The following PRTG variants were observed in gnomAD, a reference collection of about 807,000 sequenced individuals.
PRTG encodes the protein immunoglobulin superfamily, DCC subclass, member 5.
In PRTG, 67 loss-of-function variants were observed where a neutral mutation model predicts 122.5. The ratio of observed to expected loss-of-function variants is 0.55; its 90% CI spans 0.45 to 0.67. The LOEUF (loss-of-function observed/expected upper bound fraction) is 0.67. Ranked by LOEUF, PRTG falls within the 30% of genes least tolerant of loss-of-function variation. The probability of loss-of-function intolerance (pLI) is 0.00; values close to 1 mark genes in which losing one functional copy is unlikely to be tolerated. For synonymous variants in PRTG, 554 were observed against 501.1 expected (o/e 1.11, Z -1.41); for missense variants, 1,435 against 1,415.4 (o/e 1.01, Z -0.22).
intron 15 of PRTG, among the ~76,000 whole-genome samples, chr15:55,636,648 CT>C (rs922754027): frequency 6.6e-6 from 1 of 151,750 alleles, no homozygotes; most frequent in African/African-American, 2.4e-5. Context: ...AACCAAACCT[CT>C]TTTTTTTACC....
At chr15:55,738,643 C>CT (rs2031510665) in intron 2 of PRTG, 1 of 613,480 alleles carries the variant, frequency 1.6e-6, no homozygotes, top group Admixed American at 2.6e-5. Flanking sequence ...AAAAAGCACA[C>CT]TATCTTTAAA....
intron 11 of PRTG, among the ~76,000 whole-genome samples, chr15:55,642,151 GGC>G (rs1567080196): frequency 3.6e-5 from 5 of 137,744 alleles, no homozygotes; most frequent in African/African-American, 1.5e-4. Context: ...TCCGCAGTCC[GGC>G]CTGGGCGACA....
chr15:55,675,581 G>C lies in PRTG; in HGVS notation c.1484C>G (p.Ala495Gly). Residue 495 changes from alanine (A) to glycine (G), a missense_variant, in exon 9 of 20, where the codon GCA becomes GGA. Coordinates refer to ENST00000389286, the MANE Select transcript of PRTG (RefSeq NM_173814.6). Reference sequence around the variant, plus strand: ...CTGGCTGGCTCCCATTGGCATATATGCTACAATGTAGAAAGTATAATTGCT... The same window carrying C: ...CTGGCTGGCTCCCATTGGCATATATCCTACAATGTAGAAAGTATAATTGCT... Reference protein sequence around the residue: ...PASNYTFYIVAYMPMGASQMS... With the variant: ...PASNYTFYIVGYMPMGASQMS... 6.2e-7 allele frequency: 1 copy of C among 1,611,300 alleles called. No individual in the cohort carries two copies. Among genetic ancestry groups the C allele is most frequent in the Non-Finnish European group, 8.5e-7 (1 of 1,177,762 alleles).
At chr15:55,680,460 G>T (rs768457897) in intron 5 of PRTG, 31 bp downstream of exon 5, 33 of 1,506,434 alleles carry the variant, frequency 2.2e-5, no homozygotes, top group South Asian at 4.0e-5. Flanking sequence ...TTAAGGAAAA[G>T]ACTTTTTTTT....
At chr15:55,634,369 T>C (rs2059244814) in intron 15 of PRTG, among the ~76,000 whole-genome samples, 1 of 152,134 alleles carries the variant, frequency 6.6e-6, no homozygotes, top group South Asian at 2.1e-4. Context: ...CACCTGGCTC[T>C]ATACTGCTTC....
At chr15:55,711,701 G>C (rs144526929) in intron 2 of PRTG, among the ~76,000 whole-genome samples, 2 of 151,192 alleles carry the variant, frequency 1.3e-5, no homozygotes, top group Non-Finnish European at 2.9e-5. Flanking sequence ...CCTATCAGCT[G>C]ATTGTATACA....
intron 15 of PRTG, among the ~76,000 whole-genome samples, chr15:55,632,227 G>T (rs923186305): frequency 6.6e-6 from 1 of 152,156 alleles, no homozygotes; most frequent in Non-Finnish European, 1.5e-5. Flanking sequence ...TTCTCCCAGT[G>T]ATCTGGCTTC....
At chr15:55,691,983 G>A (rs1256857227) in intron 2 of PRTG, among the ~76,000 whole-genome samples, 2 of 151,930 alleles carry the variant, frequency 1.3e-5, no homozygotes, top group African/African-American at 4.8e-5. Flanking sequence ...TCTGCAGTGA[G>A]CCACGATCAC....
chr15:55,731,628 C>T (rs766473773), intron 2 of PRTG, among the ~76,000 whole-genome samples: 2 of 152,126 alleles, frequency 1.3e-5, no homozygotes, highest in Admixed American at 6.6e-5. Context: ...CTCAGCCTCC[C>T]GAAGTGCTGG....
intron 10 of PRTG, 27 bp downstream of exon 10, chr15:55,673,344 T>G (rs112637886): frequency 1.3e-6 from 2 of 1,520,336 alleles, no homozygotes; most frequent in Middle Eastern, 1.7e-4. Flanking sequence ...AAATACTGTA[T>G]TTTCTTAACA....
chr15:55,629,434 T>A (rs1428232013), intron 15 of PRTG, among the ~76,000 whole-genome samples: 1 of 144,938 alleles, frequency 6.9e-6, no homozygotes, highest in African/African-American at 2.6e-5. Flanking sequence ...TGTGTGTGTG[T>A]GTAATGTTTT....
intron 2 of PRTG, among the ~76,000 whole-genome samples, chr15:55,728,118 G>T (rs532262014): frequency 6.6e-6 from 1 of 151,942 alleles, no homozygotes; most frequent in Non-Finnish European, 1.5e-5. Context: ...CGCCCACCTC[G>T]GCCTCCCAAA....
In PRTG at chr15:55,683,864, T is replaced by G. The variant is rs754503438; in HGVS notation, c.465A>C (p.Ala155=). Reference sequence around the variant, plus strand: ...CAGGAGGGTGGGATGAAATCTTGCATGCAAATCGAGCAACTCCACCTTCGT... The same window carrying G: ...CAGGAGGGTGGGATGAAATCTTGCAGGCAAATCGAGCAACTCCACCTTCGT... ...EVHEGGVARF[A]CKISSHPPAV... The change falls in exon 3 of 20, where the codon GCA becomes GCC. Residue 155 remains alanine, a synonymous_variant. Transcript: ENST00000389286. 6.2e-7 allele frequency: 1 copy of G among 1,614,010 alleles called. No homozygotes were observed. Among genetic ancestry groups the G allele is most frequent in the East Asian group, 2.2e-5 (1 of 44,856 alleles).
intron 9 of PRTG, among the ~76,000 whole-genome samples, chr15:55,674,246 A>G (rs2059489776): frequency 6.6e-6 from 1 of 152,224 alleles, no homozygotes; most frequent in African/African-American, 2.4e-5. Context: ...GATGGGTTCT[A>G]GAGTTAGCTT....
At chr15:55,620,406 C>T (rs1195423427) in intron 19 of PRTG, 140 bp from the exon 20 acceptor site, 1 of 1,448,266 alleles carries the variant, frequency 6.9e-7, no homozygotes, top group African/African-American at 1.4e-5. Flanking sequence ...TTCTTCAGTG[C>T]TTCTGATGCA....
At chr15:55,716,187 C>T (rs1292128073) in intron 2 of PRTG, among the ~76,000 whole-genome samples, 1 of 152,134 alleles carries the variant, frequency 6.6e-6, no homozygotes, top group Non-Finnish European at 1.5e-5. Context: ...GAGCCAAGAT[C>T]GTGGCACTGC....
chr15:55,707,915 G>A (rs1435578035), intron 2 of PRTG, among the ~76,000 whole-genome samples: 1 of 152,080 alleles, frequency 6.6e-6, no homozygotes, highest in East Asian at 1.9e-4. Context: ...TTTTCCACAT[G>A]GCTTAATAGA....
intron 11 of PRTG, among the ~76,000 whole-genome samples, chr15:55,647,824 G>C (rs1227044075): frequency 6.6e-6 from 1 of 152,188 alleles, no homozygotes; most frequent in African/African-American, 2.4e-5. Context: ...CCGCAAATTA[G>C]CAATTGGCAA....
intron 2 of PRTG, among the ~76,000 whole-genome samples, chr15:55,727,527 G>C (rs1012384069): frequency 6.6e-6 from 1 of 152,270 alleles, no homozygotes; most frequent in Non-Finnish European, 1.5e-5. Context: ...CGGACATGGT[G>C]GCTCACGCCT....
Sources: allele counts gnomAD v4.1 joint callset (sites outside exome capture counted in the v4.1 genomes callset), GRCh38; gene constraint gnomAD v4.1.1; transcripts MANE v1.5; gene names NCBI Gene and HGNC (gene_info 2026-07-23, HGNC 2026-07-21).